Variants in CDH18 observed in about 807,000 individuals in gnomAD.
CDH18 encodes cadherin 18.
A neutral mutation model predicts 67.9 loss-of-function variants in CDH18; 31 were observed. The observed-to-expected ratio is 0.46, with a 90% CI of 0.34 to 0.62. The LOEUF is 0.62. CDH18 is among the 20% of genes least tolerant of loss of function. CDH18 has a pLI of 0.01. For synonymous variants in CDH18, 362 were observed against 347.2 expected (o/e 1.04, Z -0.48); for missense variants, 890 against 975.5 (o/e 0.91, Z 1.17).
intron 1 of CDH18, among the ~76,000 whole-genome samples, chr5:20,519,942 CTTT>C (rs777265512): frequency 2.4e-5 from 1 of 41,688 alleles, no homozygotes; most frequent in African/African-American, 8.9e-5. Flanking sequence ...ACAGTCTTGG[CTTT>C]TTTTTTTTTT....
At chr5:19,627,793 T>C (rs1751779958) in intron 5 of CDH18, among the ~76,000 whole-genome samples, 1 of 152,132 alleles carries the variant, frequency 6.6e-6, no homozygotes, top group African/African-American at 2.4e-5. Context: ...TATGCACAAA[T>C]GCCCTAATGT....
chr5:20,281,907 T>A (rs1746308236), intron 1 of CDH18, among the ~76,000 whole-genome samples: 1 of 152,134 alleles, frequency 6.6e-6, no homozygotes, highest in South Asian at 2.1e-4. Flanking sequence ...GGTCTGTAGT[T>A]CTCCTTGAAC....
intron 1 of CDH18, among the ~76,000 whole-genome samples, chr5:20,533,920 T>C (rs936604117): frequency 6.6e-6 from 1 of 152,072 alleles, no homozygotes; most frequent in Non-Finnish European, 1.5e-5. Context: ...TCGATATTGT[T>C]ACTTTAAAAT....
At chr5:19,951,448 T>A (rs1192220970) in intron 2 of CDH18, among the ~76,000 whole-genome samples, 1 of 152,164 alleles carries the variant, frequency 6.6e-6, no homozygotes, top group Non-Finnish European at 1.5e-5. Context: ...ATTGACAGTA[T>A]CTATTTGAAA....
chr5:19,612,329 A>G, intron 6 of CDH18, 105 bp downstream of exon 6: 1 of 1,122,620 alleles, frequency 8.9e-7, no homozygotes, highest in South Asian at 1.5e-5. Context: ...CAAAAACAGA[A>G]CAATTCCACT....
chr5:19,487,812 G>C (rs1740651136), intron 11 of CDH18, among the ~76,000 whole-genome samples: 1 of 152,054 alleles, frequency 6.6e-6, no homozygotes, highest in Non-Finnish European at 1.5e-5. Flanking sequence ...ATAATACCCT[G>C]TGATAACTGT....
intron 6 of CDH18, among the ~76,000 whole-genome samples, chr5:19,595,509 A>G (rs1746029249): frequency 6.6e-6 from 1 of 152,202 alleles, no homozygotes; most frequent in African/African-American, 2.4e-5. Flanking sequence ...CTGTAATCCC[A>G]GCTACTTGGG....
intron 2 of CDH18, among the ~76,000 whole-genome samples, chr5:20,214,261 A>G (rs1246174242): frequency 1.3e-5 from 2 of 152,114 alleles, no homozygotes; most frequent in Non-Finnish European, 2.9e-5. Flanking sequence ...AAATGGCCAT[A>G]CTGTCCAAAA....
chr5:19,943,110 C>T (rs1579719346), intron 2 of CDH18, among the ~76,000 whole-genome samples: 1 of 152,134 alleles, frequency 6.6e-6, no homozygotes, highest in Non-Finnish European at 1.5e-5. Context: ...AGTGTGTTTA[C>T]ATCATATCAT....
intron 2 of CDH18, among the ~76,000 whole-genome samples, chr5:20,241,905 T>TATATACACATATATATATATAA (rs369967608): frequency 7.1e-6 from 1 of 141,452 alleles, no homozygotes; most frequent in African/African-American, 2.8e-5. Context: ...TATATATATA[T>TATATACACATATATATATATAA]ATATTGCTTA....
chr5:20,121,266 TA>T (rs1382075793), intron 2 of CDH18, among the ~76,000 whole-genome samples: 4 of 152,204 alleles, frequency 2.6e-5, no homozygotes. Flanking sequence ...ATTTAATTTG[TA>T]AGTTACTTTG....
intron 1 of CDH18, among the ~76,000 whole-genome samples, chr5:20,512,382 T>C (rs1267352428): frequency 6.6e-6 from 1 of 152,192 alleles, no homozygotes; most frequent in Non-Finnish European, 1.5e-5. Flanking sequence ...AGGATTTTTA[T>C]GTATGTTCAT....
rs138906954 is a variant in CDH18, at chr5:20,309,651, G to T, written c.-579-54146C>A. On this transcript the variant is annotated intron_variant, in intron 1 of 14. Transcript: ENST00000507958. ...CTAGTTAACATATCACTACATAATG[G>T]ACATGTGACAGATTTTAGCGGAGCA... Among the ~76,000 whole-genome samples the T allele has an allele frequency of 2.5e-4, 38 of 152,196 alleles. No individual in the cohort carries two copies. In the East Asian group the frequency reaches 7.2e-3, roughly 29 times the overall value.
At chr5:19,951,535 G>A (rs1468142413) in intron 2 of CDH18, among the ~76,000 whole-genome samples, 2 of 152,134 alleles carry the variant, frequency 1.3e-5, no homozygotes, top group Non-Finnish European at 2.9e-5. Flanking sequence ...ACTTGTGTAT[G>A]TTTTTCCCAA....
Position 19,965,453 on chromosome 5 carries a change from T to C in CDH18, c.-257+15607A>G, listed in dbSNP as rs947727008. Among the ~76,000 whole-genome samples the C allele has an allele frequency of 2.0e-5, 3 of 152,158 alleles. No homozygotes were observed. In the South Asian group the frequency reaches 6.2e-4, roughly 31 times the overall value. ...TTGATGACTTTACATAAACTATATC[T>C]GACTTTACTATATGTTTAAAATATG... On this transcript the variant is annotated intron_variant, in intron 2 of 12. Coordinates refer to ENST00000382275, the MANE Select transcript of CDH18 (RefSeq NM_004934.5).
chr5:19,663,985 G>A (rs114715897), intron 5 of CDH18, among the ~76,000 whole-genome samples: 159 of 151,444 alleles, frequency 1.0e-3, no homozygotes, highest in East Asian at 2.7e-3. Context: ...AGAAGATGAC[G>A]GGTTTATATA....
intron 2 of CDH18, among the ~76,000 whole-genome samples, chr5:20,139,123 G>C (rs1228896323): frequency 6.6e-6 from 1 of 152,056 alleles, no homozygotes; most frequent in Admixed American, 6.6e-5. Context: ...CAGAGATATA[G>C]ACCAATGGAA....
rs1554023124 is a variant in CDH18, at chr5:19,483,320, G to A, written c.1863C>T (p.Leu621=). The change falls in exon 12 of 13, where the codon CTC becomes CTT. Residue 621 remains leucine (L), a synonymous_variant. Coordinates refer to ENST00000382275, the MANE Select transcript of CDH18 (RefSeq NM_004934.5). ...ACTTACCCAGGAGAATGAGAACACA[G>A]AGAAGAATAGCGATTAAGGCTCCTG... The part of the protein sequence containing the change: ...LSTGALIAIL[L]CVLILLAIVV... 1.2e-5 allele frequency: 20 copies of A among 1,613,676 alleles called. No homozygotes were observed. In the South Asian group the frequency reaches 2.1e-4, roughly 17 times the overall value.
At chr5:19,690,101 A>C (rs190485748) in intron 5 of CDH18, among the ~76,000 whole-genome samples, 8 of 151,406 alleles carry the variant, frequency 5.3e-5, no homozygotes, top group Non-Finnish European at 8.9e-5. Flanking sequence ...ATATATACAT[A>C]TATATAAACC....
Sources: allele counts gnomAD v4.1 joint callset (sites outside exome capture counted in the v4.1 genomes callset), GRCh38; gene constraint gnomAD v4.1.1; transcripts MANE v1.5; gene names NCBI Gene and HGNC (gene_info 2026-07-23, HGNC 2026-07-21).